The following ADCY8 variants were observed in gnomAD, a reference collection of about 807,000 sequenced individuals.
The protein encoded by ADCY8 is adenylate cyclase type 8.
In ADCY8, 51 loss-of-function variants were observed where a neutral mutation model predicts 119.7. The ratio of observed to expected loss-of-function variants is 0.43; its 90% CI spans 0.34 to 0.54. The LOEUF (loss-of-function observed/expected upper bound fraction) is 0.54. Ranked by LOEUF, ADCY8 falls within the 20% of genes least tolerant of loss-of-function variation. ADCY8 has a pLI of 0.03. For synonymous variants in ADCY8, 665 were observed against 651.0 expected, an observed-to-expected ratio of 1.02 and a Z score of -0.33; for missense variants, 1,383 against 1,598.8, an observed-to-expected ratio of 0.87 and a Z score of 2.30.
At chr8:130,830,799 G>T (rs1453017551) in intron 12 of ADCY8, among the ~76,000 whole-genome samples, 8 of 152,184 alleles carry the variant, frequency 5.3e-5, no homozygotes, top group Non-Finnish European at 1.0e-4. Flanking sequence ...AGTCTATTTT[G>T]TTGCCTCCCT....
chr8:130,852,283 T>G (rs1817557062), intron 9 of ADCY8, among the ~76,000 whole-genome samples: 1 of 152,074 alleles, frequency 6.6e-6, no homozygotes, highest in Admixed American at 6.6e-5. Context: ...ACTAGCAAAG[T>G]TTTGATTTTA....
intron 1 of ADCY8, among the ~76,000 whole-genome samples, chr8:131,022,387 C>T (rs1823699100): frequency 6.6e-6 from 1 of 152,068 alleles, no homozygotes; most frequent in African/African-American, 2.4e-5. Flanking sequence ...GTTTTCTGTT[C>T]TTGTGTTAGT....
At chr8:130,964,303 G>A (rs1821696532) in intron 2 of ADCY8, among the ~76,000 whole-genome samples, 1 of 152,160 alleles carries the variant, frequency 6.6e-6, no homozygotes, top group African/African-American at 2.4e-5. Context: ...AGGGTGAAAG[G>A]TTCCCAGATG....
intron 15 of ADCY8, among the ~76,000 whole-genome samples, chr8:130,798,610 G>A (rs905141216): frequency 3.9e-5 from 6 of 152,176 alleles, no homozygotes; most frequent in Non-Finnish European, 8.8e-5. Context: ...GCTTCAAAGG[G>A]ATGTGACAAA....
intron 1 of ADCY8, among the ~76,000 whole-genome samples, chr8:131,009,544 C>T (rs1443850960): frequency 6.6e-6 from 1 of 152,194 alleles, no homozygotes; most frequent in African/African-American, 2.4e-5. Flanking sequence ...TTGTAAATTT[C>T]CTGAGACCTC....
chr8:130,921,225 C>G (rs1820292126), intron 5 of ADCY8, among the ~76,000 whole-genome samples: 2 of 151,982 alleles, frequency 1.3e-5, no homozygotes, highest in Admixed American at 1.3e-4. Context: ...TATGTCCTTT[C>G]TTTTTATAAA....
At chr8:130,793,087 G>T (rs893276219) in intron 15 of ADCY8, among the ~76,000 whole-genome samples, 1 of 152,236 alleles carries the variant, frequency 6.6e-6, no homozygotes, top group Non-Finnish European at 1.5e-5. Context: ...CACAAGTCAG[G>T]TTCCATCACC....
chr8:130,932,324 G>T (rs1048305334), intron 5 of ADCY8, among the ~76,000 whole-genome samples: 1 of 152,170 alleles, frequency 6.6e-6, no homozygotes, highest in Admixed American at 6.5e-5. Flanking sequence ...CAAGCCTGTA[G>T]CCTTGAGCTG....
chr8:130,849,770 C>G lies in ADCY8; in HGVS notation c.2244G>C (p.Leu748=). The change falls in exon 10 of 18, where the codon CTG becomes CTC. Residue 748 remains leucine, a synonymous_variant. Coordinates refer to ENST00000286355, the MANE Select transcript of ADCY8 (RefSeq NM_001115.3). ...GGACCAGAGCCGAGTGCAGCATAAT[C>G]AGAATGGAGAACTGGATGGTCATTG... ...VMPMTIQFSI[L]IMLHSALVLI... 1 of 1,613,470 alleles carries G rather than the reference C, an allele frequency of 6.2e-7. No homozygotes were observed. Among genetic ancestry groups the G allele is most frequent in the East Asian group, 2.2e-5 (1 of 44,782 alleles).
intron 14 of ADCY8, among the ~76,000 whole-genome samples, chr8:130,810,238 T>C (rs895387891): frequency 3.4e-4 from 51 of 152,158 alleles, no homozygotes; most frequent in African/African-American, 1.2e-3. Flanking sequence ...TGCCTTTGCC[T>C]CTTACGGTAA....
In ADCY8 at chr8:130,886,779, TG is replaced by T. The variant is rs534278436; in HGVS notation, c.1912-2019del. Among the ~76,000 whole-genome samples, 73 of 152,242 alleles carry T rather than the reference TG, an allele frequency of 4.8e-4. 1 individual carries two copies. The highest frequency in any genetic ancestry group is 1.2e-3 in the Admixed American group (18 of 15,280). On this transcript the variant is annotated intron_variant, in intron 7 of 17. Coordinates refer to ENST00000286355, the MANE Select transcript of ADCY8 (RefSeq NM_001115.3). ...ACTGTCTGATATTTTTATTTGTATA[TG>T]GTTTTCCTTCTATTAACTAAATTGA...
intron 3 of ADCY8, among the ~76,000 whole-genome samples, chr8:130,949,203 G>A (rs1218257746): frequency 3.3e-5 from 5 of 152,112 alleles, no homozygotes; most frequent in Non-Finnish European, 7.4e-5. Flanking sequence ...AAGAGTAACG[G>A]GAGCACTGAA....
At chr8:130,808,915 T>A (rs1586434309) in intron 14 of ADCY8, among the ~76,000 whole-genome samples, 1 of 152,082 alleles carries the variant, frequency 6.6e-6, no homozygotes, top group Admixed American at 6.5e-5. Context: ...AAAGCCATGA[T>A]GAGCCAGTGG....
At chr8:130,995,041 T>C (rs1586639939) in intron 1 of ADCY8, among the ~76,000 whole-genome samples, 1 of 152,106 alleles carries the variant, frequency 6.6e-6, no homozygotes, top group African/African-American at 2.4e-5. Flanking sequence ...ACTGGCTAGG[T>C]TGTGGGGAAA....
At chr8:130,943,834 G>T (rs1016605403) in intron 3 of ADCY8, among the ~76,000 whole-genome samples, 2 of 152,158 alleles carry the variant, frequency 1.3e-5, no homozygotes, top group Admixed American at 6.5e-5. Flanking sequence ...CAATGCACAT[G>T]CAATGAACAC....
intron 1 of ADCY8, among the ~76,000 whole-genome samples, chr8:130,993,810 C>G (rs918082818): frequency 6.6e-5 from 10 of 152,266 alleles, no homozygotes; most frequent in African/African-American, 2.2e-4. Context: ...TCTTTATCAA[C>G]CTCATGAAAA....
rs769097411 is a variant in ADCY8 at position 131,040,139 on chromosome 8, C to A, written c.195G>T (p.Ser65=). 104 of 1,531,670 alleles carry A rather than the reference C, an allele frequency of 6.8e-5. No homozygotes were observed. Among genetic ancestry groups the A allele is most frequent in the Non-Finnish European group, 1.2e-5 (14 of 1,145,050 alleles). 94.9% of individuals were successfully genotyped at this position (1,531,670 alleles called of 1,614,324 possible). A position where few individuals can be genotyped will look rare whatever the true frequency, so the allele number is the denominator to read the frequency against. The change falls in exon 1 of 18, where the codon TCG becomes TCT. Residue 65 remains serine, a synonymous_variant. Transcript: ENST00000286355. ...CGCCCGCAGGGTCCGAGGCTTTGCC[C>A]GAGCCTCCACTCCCGCTGCCGCTGC... is the stretch of plus-strand genomic sequence containing the variant. ...RGGSGSGSGG[S]GKASDPAGGG... is the part of the protein sequence containing the mutation.
At chr8:130,843,589 A>T (rs2130288380) in intron 11 of ADCY8, among the ~76,000 whole-genome samples, 1 of 152,312 alleles carries the variant, frequency 6.6e-6, no homozygotes, top group South Asian at 2.1e-4. Flanking sequence ...TTACTGACTG[A>T]TGCCCAGTGC....
At chr8:130,818,511 G>A (rs1816412240) in intron 13 of ADCY8, among the ~76,000 whole-genome samples, 1 of 152,172 alleles carries the variant, frequency 6.6e-6, no homozygotes, top group Non-Finnish European at 1.5e-5. Flanking sequence ...TTCCACATAT[G>A]TGCAAGATAA....
Sources: gnomAD v4.1 joint callset for allele counts (sites outside exome capture counted in the v4.1 genomes callset) on GRCh38, gnomAD v4.1.1 for gene constraint, MANE v1.5 for transcripts, NCBI Gene and HGNC (gene_info 2026-07-23, HGNC 2026-07-21) for gene names.